Variants in FAM193A observed in about 807,000 individuals in gnomAD.
FAM193A encodes protein FAM193A.
A neutral mutation model predicts 126.5 loss-of-function variants in FAM193A; 22 were observed. That is an observed-to-expected ratio of 0.17 (90% CI 0.12 to 0.25). The LOEUF is 0.25. Ranked by LOEUF, FAM193A falls within the 10% of genes least tolerant of loss-of-function variation. The pLI is 1.00. For synonymous variants in FAM193A, 761 were observed against 646.8 expected, an observed-to-expected ratio of 1.18 and a Z score of -2.68; for missense variants, 1,675 against 1,672.8, an observed-to-expected ratio of 1.00 and a Z score of -0.02.
chr4:2,594,783 G>A (rs879655424), intron 1 of FAM193A, among the ~76,000 whole-genome samples: 63 of 140,700 alleles, frequency 4.5e-4, no homozygotes, highest in Admixed American at 7.7e-4. Context: ...ATTTCCAGTT[G>A]TGTGAGACTC....
chr4:2,687,285 A>G (rs553205080), intron 13 of FAM193A, among the ~76,000 whole-genome samples: 8 of 152,316 alleles, frequency 5.3e-5, no homozygotes, highest in East Asian at 1.9e-4. Flanking sequence ...CTCTAAGACT[A>G]TTGTCCTAGA....
At chr4:2,646,947 G>A in intron 7 of FAM193A, 115 bp downstream of exon 7, 1 of 1,157,584 alleles carries the variant, frequency 8.6e-7, no homozygotes, top group South Asian at 1.6e-5. Context: ...CCCGACTGAG[G>A]CCCAGAGGCG....
intron 1 of FAM193A, among the ~76,000 whole-genome samples, chr4:2,584,328 A>G (rs192693041): frequency 2.8e-3 from 426 of 151,268 alleles, no homozygotes; most frequent in African/African-American, 7.8e-3. Context: ...TCAGGAGGCT[A>G]AGCAGGAGAA....
chr4:2,599,086 A>G (rs1741041690), intron 2 of FAM193A, among the ~76,000 whole-genome samples: 1 of 152,130 alleles, frequency 6.6e-6, no homozygotes. Flanking sequence ...CCTCTCTGCT[A>G]GTGGATTAGC....
chr4:2,660,564 G>C (rs1001763084), intron 10 of FAM193A, among the ~76,000 whole-genome samples: 26 of 152,230 alleles, frequency 1.7e-4, no homozygotes, highest in Non-Finnish European at 3.4e-4. Flanking sequence ...TTGTGACCCT[G>C]TCATTTGGGG....
chr4:2,714,501 C>T (rs1287107860), intron 19 of FAM193A, among the ~76,000 whole-genome samples: 5 of 152,076 alleles, frequency 3.3e-5, no homozygotes, highest in African/African-American at 4.8e-5. Context: ...GCCTTCATTC[C>T]TAGACCACCC....
chr4:2,605,119 A>G (rs779147709), intron 2 of FAM193A, among the ~76,000 whole-genome samples: 7 of 151,998 alleles, frequency 4.6e-5, no homozygotes, highest in Non-Finnish European at 1.0e-4. Context: ...GAGAGTCTGC[A>G]TCTTAATGGT....
At chr4:2,594,803 CTTTT>C (rs1296461912) in intron 1 of FAM193A, among the ~76,000 whole-genome samples, 1 of 87,592 alleles carries the variant, frequency 1.1e-5, no homozygotes, top group Non-Finnish European at 2.5e-5. Context: ...CAGTTTCTTT[CTTTT>C]TCTTTTCTTT....
At chr4:2,688,796 G>A (rs1716039530) in intron 13 of FAM193A, among the ~76,000 whole-genome samples, 1 of 152,278 alleles carries the variant, frequency 6.6e-6, no homozygotes, top group South Asian at 2.1e-4. Context: ...AGCAGCCAGG[G>A]CCTGTTGCCT....
chr4:2,598,184 C>T (rs755389903), intron 2 of FAM193A, among the ~76,000 whole-genome samples: 3 of 152,184 alleles, frequency 2.0e-5, no homozygotes, highest in Admixed American at 6.5e-5. Context: ...TGAGCCACCG[C>T]GCCTGGCCTG....
intron 1 of FAM193A, among the ~76,000 whole-genome samples, chr4:2,560,472 A>G (rs1284983057): frequency 3.9e-5 from 6 of 152,192 alleles, no homozygotes; most frequent in Admixed American, 2.6e-4. Context: ...GTACATAGGC[A>G]GAAACATTGC....
rs1201989388 is a variant in FAM193A at position 2,601,227 on chromosome 4, C to CTTT, written c.501+4916_501+4918dup. ...ATTTGACTTTTTATTTCTTCTTCTT[C>CTTT]TTTTTTTTTTTTTTTTTTTTCCTGA... On this transcript the variant is annotated intron_variant, in intron 2 of 20. Transcript: ENST00000637812. Among the ~76,000 whole-genome samples, 357 of 110,612 alleles carry CTTT rather than the reference C, an allele frequency of 3.2e-3. 3 individuals carry two copies. The highest frequency in any genetic ancestry group is 7.3e-3 in the African/African-American group (216 of 29,494). The allele number at this position is 110,612 out of a possible 152,430, so 72.6% of individuals were successfully genotyped here.
At chr4:2,535,833 G>A (rs1293955814), upstream of FAM193A, among the ~76,000 whole-genome samples, 4 of 152,172 alleles carry the variant, frequency 2.6e-5, no homozygotes, top group Non-Finnish European at 5.9e-5. Flanking sequence ...GGCGGGCTCG[G>A]GAAGAGCACC....
chr4:2,651,801 G>A (rs997085090), intron 7 of FAM193A, among the ~76,000 whole-genome samples: 1 of 152,212 alleles, frequency 6.6e-6, no homozygotes, highest in Non-Finnish European at 1.5e-5. Flanking sequence ...CCCTGGCAGG[G>A]AAGCATAAGA....
At chr4:2,728,744 G>C (rs533216373) in intron 20 of FAM193A, among the ~76,000 whole-genome samples, 4 of 151,986 alleles carry the variant, frequency 2.6e-5, no homozygotes, top group African/African-American at 9.7e-5. Flanking sequence ...GAATATGATA[G>C]GGGTTTTTTG....
chr4:2,707,847 C>T (rs188414820), intron 19 of FAM193A, among the ~76,000 whole-genome samples: 2 of 151,598 alleles, frequency 1.3e-5, no homozygotes, highest in Non-Finnish European at 2.9e-5. Flanking sequence ...CTCCTGGGTT[C>T]AAGCAGTTCT....
chr4:2,568,973 C>CTTTTTTTTTTTTTTTTT (rs753557878), intron 1 of FAM193A, among the ~76,000 whole-genome samples: 1 of 90,722 alleles, frequency 1.1e-5, no homozygotes, highest in African/African-American at 4.6e-5. Context: ...TGTTGTTTTG[C>CTTTTTTTTTTTTTTTTT]TTTTTTTTTT....
intron 1 of FAM193A, among the ~76,000 whole-genome samples, chr4:2,552,709 T>G (rs1356457116): frequency 6.6e-6 from 1 of 151,622 alleles, no homozygotes. Context: ...GGCTAATTTT[T>G]TGTATTTTTA....
intron 20 of FAM193A, among the ~76,000 whole-genome samples, chr4:2,724,725 G>A (rs1720534808): frequency 6.6e-6 from 1 of 152,026 alleles, no homozygotes; most frequent in Non-Finnish European, 1.5e-5. Flanking sequence ...CCAAACAGAG[G>A]ATAAAGAATT....
Sources: allele counts gnomAD v4.1 joint callset (sites outside exome capture counted in the v4.1 genomes callset), GRCh38; gene constraint gnomAD v4.1.1; transcripts MANE v1.5; gene names NCBI Gene and HGNC (gene_info 2026-07-23, HGNC 2026-07-21).